KDELR2: variants seen among roughly 807,000 people sequenced by gnomAD.
The protein encoded by KDELR2 is KDEL endoplasmic reticulum protein retention receptor 2, also known as ER lumen protein-retaining receptor 2.
KDELR2 carries 15 observed loss-of-function variants against 23.9 expected under a neutral mutation model. That is an observed-to-expected ratio of 0.63 (90% CI 0.42 to 0.97). The LOEUF (loss-of-function observed/expected upper bound fraction) is 0.97. Among genes scored for constraint, KDELR2 ranks in the 50% least tolerant of loss-of-function variants. KDELR2 has a pLI of 0.00. For missense variants in KDELR2, 272 were observed against 254.6 expected, an observed-to-expected ratio of 1.07 and a Z score of -0.46; for synonymous variants, 119 against 106.2, an observed-to-expected ratio of 1.12 and a Z score of -0.74.
intron 1 of KDELR2, among the ~76,000 whole-genome samples, chr7:6,482,989 A>G (rs986540532): frequency 6.7e-6 from 1 of 149,954 alleles, no homozygotes; most frequent in African/African-American, 2.4e-5. Context: ...TGGGTGACAG[A>G]GCGAGACCCT....
In KDELR2 at chr7:6,481,490, G is replaced by C. The variant is rs139125065; in HGVS notation, c.91+2477C>G. On this transcript the variant is annotated intron_variant, in intron 1 of 4. Transcript: ENST00000258739. ...CTTCAAGGCTTAATGATTTGCCAGAGGAGGGGATTCTGAAAAACATATGGA... is the reference window on the plus strand; with the variant it reads ...CTTCAAGGCTTAATGATTTGCCAGACGAGGGGATTCTGAAAAACATATGGA... Among the ~76,000 whole-genome samples the C allele has an allele frequency of 3.3e-5, 5 of 152,188 alleles. No individual in the cohort carries two copies. In the East Asian group the frequency reaches 7.7e-4, roughly 23 times the overall value.
At chr7:6,479,604 G>A (rs1168220435) in intron 1 of KDELR2, among the ~76,000 whole-genome samples, 2 of 152,102 alleles carry the variant, frequency 1.3e-5, no homozygotes, top group Non-Finnish European at 2.9e-5. Flanking sequence ...AGCCTCCCAA[G>A]TAGCTGGGAC....
At chr7:6,470,030 A>C in intron 2 of KDELR2, 1 of 277,574 alleles carries the variant, frequency 3.6e-6, no homozygotes, top group Non-Finnish European at 6.8e-6. Flanking sequence ...GGCTTCCTTC[A>C]CCTCCTGCAG....
chr7:6,475,268 T>C (rs1015869211), intron 1 of KDELR2, among the ~76,000 whole-genome samples: 3 of 151,458 alleles, frequency 2.0e-5, no homozygotes, highest in Admixed American at 6.6e-5. Flanking sequence ...CTACGAAAAA[T>C]AGAAAAGTGA....
intron 4 of KDELR2, 24 bp from the exon 5 acceptor site, chr7:6,463,199 GA>G: frequency 6.3e-7 from 1 of 1,591,164 alleles, no homozygotes; most frequent in Non-Finnish European, 8.6e-7. Flanking sequence ...GAGAAGAAAA[GA>G]AAACAAAAGG....
At chr7:6,474,629 T>C (rs1785717958) in intron 1 of KDELR2, among the ~76,000 whole-genome samples, 1 of 152,200 alleles carries the variant, frequency 6.6e-6, no homozygotes, top group Admixed American at 6.5e-5. Context: ...TCTGCTGTCA[T>C]TTAGTGTTAT....
chr7:6,470,202 T>A (rs1319431805), intron 2 of KDELR2: 1 of 152,650 alleles, frequency 6.6e-6, no homozygotes, highest in Non-Finnish European at 1.5e-5. Flanking sequence ...GCCAATAACA[T>A]CCTTTGGTTG....
rs1785419119 is a variant in KDELR2, at chr7:6,462,988, T to C, written c.*153A>G. The C allele has an allele frequency of 6.2e-7, 1 of 1,613,988 alleles. No individual in the cohort carries two copies. The highest frequency in any genetic ancestry group is 8.5e-7 in the Non-Finnish European group (1 of 1,179,936). On this transcript the variant is annotated 3_prime_UTR_variant, in exon 5 of 5. Coordinates refer to ENST00000258739, the MANE Select transcript of KDELR2 (RefSeq NM_006854.4). ...GCATTAAACAGAAACCTTCTGGCTC[T>C]TTTCCTCTGCGTTTTTACAGAGCCA...
rs775633994 is a variant in KDELR2, at chr7:6,469,656, A to G, written c.291T>C (p.Phe97=). Residue 97 remains phenylalanine (F), a synonymous_variant, in exon 3 of 5, where the codon TTT becomes TTC. Coordinates refer to ENST00000258739, the MANE Select transcript of KDELR2 (RefSeq NM_006854.4). Reference sequence around the variant, plus strand: ...AGAGGCCTCCCACAGGGACCACCAGAAACTCCACTCGGAAGGTATCATGAT... The same window carrying G: ...AGAGGCCTCCCACAGGGACCACCAGGAACTCCACTCGGAAGGTATCATGAT... ...DGNHDTFRVE[F]LVVPVGGLSF... is the part of the protein sequence containing the mutation. 147 of 1,614,016 alleles carry G rather than the reference A, an allele frequency of 9.1e-5. 1 individual carries two copies. In the Admixed American group the frequency reaches 2.4e-3, roughly 26 times the overall value.
rs370296865 is a variant in KDELR2 at position 6,469,613 on chromosome 7, C to T, written c.334G>A (p.Asp112Asn). 75 of 1,613,722 alleles carry T rather than the reference C, an allele frequency of 4.6e-5. No individual in the cohort carries two copies. In the South Asian group the frequency reaches 6.8e-4, roughly 15 times the overall value. ...VGGLSFLVNH[D>N]FSPLEILWTF... is the part of the protein sequence containing the mutation. ...AAACTAACCTCAAGAGGAGAGAAAT[C>T]GTGATTAACTAAAAATGAGAGGCCT... The change falls in exon 3 of 5, where the codon GAT (aspartate) becomes AAT (asparagine). Residue 112 changes from aspartate (D) to asparagine (N), a missense_variant. Physicochemically the swap from Asp to Asn is conservative, Grantham distance 23 (BLOSUM62 1). Coordinates refer to ENST00000258739, the MANE Select transcript of KDELR2 (RefSeq NM_006854.4).
intron 4 of KDELR2, 77 bp downstream of exon 4, chr7:6,465,994 A>G: frequency 3.4e-6 from 5 of 1,487,386 alleles, no homozygotes; most frequent in Non-Finnish European, 4.6e-6. Flanking sequence ...AGAGTGCCAG[A>G]TTAGAAGAGT....
At chr7:6,478,510 T>G (rs1785804683) in intron 1 of KDELR2, among the ~76,000 whole-genome samples, 1 of 152,210 alleles carries the variant, frequency 6.6e-6, no homozygotes, top group Admixed American at 6.5e-5. Context: ...TCTTTCGTTA[T>G]TCTTCAGTGA....
At chr7:6,479,150 T>A (rs1785824674) in intron 1 of KDELR2, among the ~76,000 whole-genome samples, 1 of 152,012 alleles carries the variant, frequency 6.6e-6, no homozygotes, top group South Asian at 2.1e-4. Context: ...ATAGAAACTT[T>A]TCTCTCTTTT....
intron 1 of KDELR2, among the ~76,000 whole-genome samples, chr7:6,474,766 C>A (rs1299968090): frequency 6.6e-6 from 1 of 152,198 alleles, no homozygotes; most frequent in African/African-American, 2.4e-5. Flanking sequence ...TGGGCTTCAG[C>A]AATCTTCCCA....
At position 6,479,228 on chromosome 7, in the gene KDELR2, G is replaced by T. The variant is rs1159825837; in HGVS notation, c.91+4739C>A. On this transcript the variant is annotated intron_variant, in intron 1 of 4. Transcript: ENST00000258739. ...GCTGAAGTGCAATGGTGTGATCACG[G>T]CTCGCTGCAACCTCGACTTCCTGGG... 2.0e-5 allele frequency among the ~76,000 whole-genome samples: 3 copies of T among 152,056 alleles called. No homozygotes were observed. In the East Asian group the frequency reaches 5.8e-4, roughly 29 times the overall value.
intron 2 of KDELR2, 100 bp downstream of exon 2, chr7:6,474,084 T>C: frequency 1.4e-6 from 1 of 728,764 alleles, no homozygotes; most frequent in East Asian, 2.7e-5. Context: ...GACATTATTT[T>C]TGGAGCATTT....
chr7:6,468,566 C>T (rs1478303520), intron 3 of KDELR2, among the ~76,000 whole-genome samples: 4 of 152,070 alleles, frequency 2.6e-5, no homozygotes, highest in African/African-American at 4.8e-5. Context: ...AGTGCAGTAG[C>T]GCGATCTTGG....
chr7:6,466,325 T>C lies in KDELR2; in HGVS notation c.352-2A>G. 3 of 1,612,702 alleles carry C rather than the reference T, an allele frequency of 1.9e-6. No individual in the cohort carries two copies. Among genetic ancestry groups the C allele is most frequent in the Non-Finnish European group, 2.5e-6 (3 of 1,179,306 alleles). On this transcript the variant is annotated splice_acceptor_variant, in intron 3 of 4. Transcript: ENST00000258739. LOFTEE classifies it high-confidence loss of function. The stretch of plus-strand genomic sequence containing the variant: ...GTAGATGGAGAAGGTCCAGAGGATC[T>C]GGAAGAGAAATGGCAAGCTTCCATC...
chr7:6,474,190 A>G lies in KDELR2; in HGVS notation c.186T>C (p.Ser62=). The change falls in exon 2 of 5, where the codon TCT becomes TCC. Residue 62 remains serine (S), a synonymous_variant. Coordinates refer to ENST00000258739, the MANE Select transcript of KDELR2 (RefSeq NM_006854.4). ...TGTGGATGGCATACCATACCTTCATAGATGTGTTATACAATGAAATAAATG... is the reference window on the plus strand; with the variant it reads ...TGTGGATGGCATACCATACCTTCATGGATGTGTTATACAATGAAATAAATG... ...FTSFISLYNT[S]MKVIYLACSY... The G allele has an allele frequency of 1.3e-6, 2 of 1,591,430 alleles. No homozygotes were observed. Among genetic ancestry groups the G allele is most frequent in the Non-Finnish European group, 1.7e-6 (2 of 1,159,260 alleles).
Sources: gnomAD v4.1 joint callset for allele counts (sites outside exome capture counted in the v4.1 genomes callset) on GRCh38, gnomAD v4.1.1 for gene constraint, MANE v1.5 for transcripts, NCBI Gene and HGNC (gene_info 2026-07-23, HGNC 2026-07-21) for gene names.